Variants in GRAMD1C observed in about 807,000 individuals in gnomAD.
GRAMD1C encodes protein Aster-C.
In GRAMD1C, 89 loss-of-function variants were observed where a neutral mutation model predicts 97.8. That is an observed-to-expected ratio of 0.91 (90% CI 0.77 to 1.09). GRAMD1C has a LOEUF of 1.09. Ranked by LOEUF, GRAMD1C falls within the 50% of genes least tolerant of loss-of-function variation. The probability of loss-of-function intolerance (pLI) is 0.00; values close to 1 mark genes in which losing one functional copy is unlikely to be tolerated. For synonymous variants in GRAMD1C, 256 were observed against 267.0 expected, an observed-to-expected ratio of 0.96 and a Z score of 0.40; for missense variants, 740 against 766.4, an observed-to-expected ratio of 0.97 and a Z score of 0.41.
chr3:113,897,248 T>A (rs1311029553), intron 6 of GRAMD1C, among the ~76,000 whole-genome samples: 1 of 152,148 alleles, frequency 6.6e-6, no homozygotes, highest in Non-Finnish European at 1.5e-5. Context: ...GCATAGAAAT[T>A]ACTAGCATGG....
intron 6 of GRAMD1C, among the ~76,000 whole-genome samples, chr3:113,894,858 G>A (rs755009307): frequency 3.9e-5 from 6 of 152,112 alleles, no homozygotes; most frequent in South Asian, 2.1e-4. Flanking sequence ...ACAGATATAC[G>A]CTGTCTAAAT....
intron 5 of GRAMD1C, among the ~76,000 whole-genome samples, chr3:113,876,849 GA>G (rs142312523): frequency 4.6e-4 from 56 of 121,530 alleles, no homozygotes; most frequent in East Asian, 1.4e-3. Context: ...AGGAAAGAAA[GA>G]AAAAAAAAAG....
intron 13 of GRAMD1C, among the ~76,000 whole-genome samples, chr3:113,934,834 C>T (rs913987819): frequency 2.0e-5 from 3 of 152,128 alleles, no homozygotes; most frequent in Admixed American, 1.3e-4. Flanking sequence ...ACCTCCGCCT[C>T]GTGAGTTCAA....
At chr3:113,878,542 A>ATAATG (rs1935137854) in intron 5 of GRAMD1C, among the ~76,000 whole-genome samples, 1 of 152,194 alleles carries the variant, frequency 6.6e-6, no homozygotes, top group Non-Finnish European at 1.5e-5. Context: ...TAATGCATAC[A>ATAATG]CATATATACA....
At chr3:113,905,524 T>G (rs1331520579) in intron 8 of GRAMD1C, among the ~76,000 whole-genome samples, 1 of 152,218 alleles carries the variant, frequency 6.6e-6, no homozygotes, top group African/African-American at 2.4e-5. Context: ...TTGCTAACTG[T>G]ATAAGTTAAT....
intron 10 of GRAMD1C, among the ~76,000 whole-genome samples, chr3:113,918,612 A>G (rs74886879): frequency 1.1e-3 from 169 of 152,354 alleles, no homozygotes; most frequent in African/African-American, 3.9e-3. Context: ...ATTAGTCAGA[A>G]GCTTTACTAC....
intron 10 of GRAMD1C, among the ~76,000 whole-genome samples, chr3:113,930,107 G>C (rs540983340): frequency 6.6e-6 from 1 of 152,284 alleles, no homozygotes; most frequent in Non-Finnish European, 1.5e-5. Context: ...GCAAATAAAA[G>C]AGAATTTTTA....
At chr3:113,915,021 G>A (rs947124348) in intron 9 of GRAMD1C, among the ~76,000 whole-genome samples, 2 of 152,132 alleles carry the variant, frequency 1.3e-5, no homozygotes, top group African/African-American at 2.4e-5. Context: ...GCAAGATATT[G>A]CTTCTTCATT....
rs1271529617 is a variant in GRAMD1C at position 113,947,014 on chromosome 3, GAT to G, written c.*1537_*1538del. On this transcript the variant is annotated 3_prime_UTR_variant, in exon 18 of 18. Coordinates refer to ENST00000358160, the MANE Select transcript of GRAMD1C (RefSeq NM_017577.5). ...AATGATCGACAAACAATATTTTTGT[GAT>G]GTTTATTTAAACGTTGTATTTTATA... 6.6e-6 allele frequency: 1 copy of G among 152,162 alleles called. No homozygotes were observed. The highest frequency in any genetic ancestry group is 1.5e-5 in the Non-Finnish European group (1 of 68,036). The allele number at this position is 152,162 out of a possible 1,614,324, so 9.4% of individuals were successfully genotyped here.
At chr3:113,839,463 G>A (rs1475741631) in intron 1 of GRAMD1C, among the ~76,000 whole-genome samples, 4 of 152,174 alleles carry the variant, frequency 2.6e-5, no homozygotes, top group Admixed American at 2.6e-4. Context: ...GGGCGCCTGC[G>A]TTTCTGAACA....
chr3:113,926,843 T>G (rs1937244563), intron 10 of GRAMD1C, among the ~76,000 whole-genome samples: 1 of 152,188 alleles, frequency 6.6e-6, no homozygotes, highest in African/African-American at 2.4e-5. Flanking sequence ...TAGTTTTGTG[T>G]GTCCCCAGCT....
chr3:113,860,327 G>A (rs1934315023), intron 2 of GRAMD1C, among the ~76,000 whole-genome samples: 1 of 152,022 alleles, frequency 6.6e-6, no homozygotes, highest in East Asian at 1.9e-4. Flanking sequence ...GCCAAAATGG[G>A]TATGTAATAC....
intron 1 of GRAMD1C, among the ~76,000 whole-genome samples, chr3:113,843,049 G>GTTTTTTTTTTTTTTTTT (rs71144092): frequency 1.3e-3 from 69 of 53,418 alleles, no homozygotes; most frequent in Non-Finnish European, 1.7e-3. Flanking sequence ...ACCATAAGCT[G>GTTTTTTTTTTTTTTTTT]TTTTTTTTTT....
At chr3:113,900,993 AT>A in intron 6 of GRAMD1C, 37 bp from the exon 7 acceptor site, 1 of 1,003,274 alleles carries the variant, frequency 1.0e-6, no homozygotes, top group South Asian at 1.3e-5. Context: ...TATATTTTAT[AT>A]TTTCCAATGC....
chr3:113,904,038 T>C (rs1244354137), intron 7 of GRAMD1C, 102 bp from the exon 8 acceptor site: 9 of 772,394 alleles, frequency 1.2e-5, no homozygotes, highest in Non-Finnish European at 1.9e-5. Flanking sequence ...GTCCATTTAT[T>C]ATCAAACTGT....
intron 10 of GRAMD1C, among the ~76,000 whole-genome samples, chr3:113,918,126 GATTAT>G (rs1467820640): frequency 3.3e-5 from 5 of 151,988 alleles, no homozygotes; most frequent in Admixed American, 6.6e-5. Flanking sequence ...ATTCTCCTGT[GATTAT>G]ATTATGAGTT....
At chr3:113,920,312 A>G in intron 10 of GRAMD1C, 1 of 428,244 alleles carries the variant, frequency 2.3e-6, no homozygotes, top group Non-Finnish European at 4.2e-6. Context: ...AAAACTCCAT[A>G]TATATTAGTC....
At chr3:113,925,107 T>A (rs1422184116) in intron 10 of GRAMD1C, among the ~76,000 whole-genome samples, 1 of 152,260 alleles carries the variant, frequency 6.6e-6, no homozygotes, top group Non-Finnish European at 1.5e-5. Context: ...CTCTGCTTTT[T>A]TTGTTTTTCA....
rs755510920 is a variant in GRAMD1C, at chr3:113,876,213, G to A, written c.412G>A (p.Ala138Thr). Residue 138 changes from alanine to threonine, a missense_variant, in exon 5 of 18, where the codon GCT becomes ACT. Ala to Thr is a moderately conservative substitution (Grantham distance 58). Coordinates refer to ENST00000358160, the MANE Select transcript of GRAMD1C (RefSeq NM_017577.5). ...NITFMTKEKT[A>T]RLIPNAIQIV... Reference sequence around the variant, plus strand: ...AACCTTCATGACCAAGGAAAAAACTGCTCGACTCATCCCAAACGCTATCCA... The same window carrying A: ...AACCTTCATGACCAAGGAAAAAACTACTCGACTCATCCCAAACGCTATCCA... The A allele has an allele frequency of 2.5e-6, 4 of 1,603,344 alleles. No individual in the cohort carries two copies. The East Asian group carries it at 8.9e-5, about 36-fold the overall frequency.
Sources: gnomAD v4.1 joint callset for allele counts (sites outside exome capture counted in the v4.1 genomes callset) on GRCh38, gnomAD v4.1.1 for gene constraint, MANE v1.5 for transcripts, NCBI Gene and HGNC (gene_info 2026-07-23, HGNC 2026-07-21) for gene names.